The following GPC6 variants were observed in gnomAD, a reference collection of about 807,000 sequenced individuals.
The protein encoded by GPC6 is glypican 6.
Under a neutral mutation model 55.2 loss-of-function variants are expected in GPC6, and 14 were observed. The ratio of observed to expected loss-of-function variants is 0.25; its 90% CI spans 0.17 to 0.40. GPC6 has a LOEUF of 0.40. GPC6 is among the 10% of genes least tolerant of loss of function. The pLI is 1.00. For synonymous variants in GPC6, 278 were observed against 259.6 expected, an observed-to-expected ratio of 1.07 and a Z score of -0.68; for missense variants, 641 against 708.5, an observed-to-expected ratio of 0.90 and a Z score of 1.08.
At chr13:93,693,459 A>ATG (rs1566490166) in intron 2 of GPC6, among the ~76,000 whole-genome samples, 2 of 88,302 alleles carry the variant, frequency 2.3e-5, no homozygotes, top group Non-Finnish European at 5.4e-5. Flanking sequence ...GTGTATGTAT[A>ATG]TCTGTGTGTG....
At chr13:93,411,677 A>G (rs915077766) in intron 1 of GPC6, among the ~76,000 whole-genome samples, 1 of 152,152 alleles carries the variant, frequency 6.6e-6, no homozygotes, top group African/African-American at 2.4e-5. Flanking sequence ...AAATTCATTG[A>G]CAAAGGTTCT....
chr13:93,457,920 T>C (rs923866780), intron 1 of GPC6, among the ~76,000 whole-genome samples: 11 of 152,158 alleles, frequency 7.2e-5, no homozygotes, highest in Admixed American at 6.5e-4. Flanking sequence ...TCCTAGGACT[T>C]GAAATGTTGA....
chr13:94,355,849 C>T (rs1333712654), intron 6 of GPC6, among the ~76,000 whole-genome samples: 1 of 152,142 alleles, frequency 6.6e-6, no homozygotes, highest in African/African-American at 2.4e-5. Context: ...AAACGTGTGC[C>T]ATAGTGGTTT....
At position 94,021,260 on chromosome 13, in the gene GPC6, G is replaced by GTGTATA. The variant is rs148143866; in HGVS notation, c.712-6468_712-6467insGTATAT. On this transcript the variant is annotated intron_variant, in intron 3 of 8. Transcript: ENST00000377047. ...TCTGCTAGGTGTATGTTCATTGTGT[G>GTGTATA]TATATATATATATATATATACTTTT... is the stretch of plus-strand genomic sequence containing the variant. 5.9e-4 allele frequency among the ~76,000 whole-genome samples: 87 copies of GTGTATA among 146,270 alleles called. 1 individual carries two copies. The highest frequency in any genetic ancestry group is 2.0e-3 in the African/African-American group (80 of 40,184).
chr13:94,033,643 T>G (rs1270102879), intron 4 of GPC6, among the ~76,000 whole-genome samples: 1 of 152,186 alleles, frequency 6.6e-6, no homozygotes, highest in African/African-American at 2.4e-5. Context: ...TTCTCAGGCA[T>G]AAAAGTCCAT....
In GPC6 at chr13:93,565,635, T is replaced by A. The variant is rs1437430698; in HGVS notation, c.319+20214T>A. Among the ~76,000 whole-genome samples, 4 of 152,192 alleles carry A rather than the reference T, an allele frequency of 2.6e-5. No homozygotes were observed. In the East Asian group the frequency reaches 5.8e-4, roughly 22 times the overall value. ...CAAATATAGACTCCTTAAAAACACATCTGGTCAGCTGGGCACGGTGGCTCA... is the reference window on the plus strand; with the variant it reads ...CAAATATAGACTCCTTAAAAACACAACTGGTCAGCTGGGCACGGTGGCTCA... On this transcript the variant is annotated intron_variant, in intron 2 of 8. Coordinates refer to ENST00000377047, the MANE Select transcript of GPC6 (RefSeq NM_005708.5).
chr13:93,665,607 C>G (rs938162170), intron 2 of GPC6, among the ~76,000 whole-genome samples: 1 of 151,974 alleles, frequency 6.6e-6, no homozygotes, highest in Non-Finnish European at 1.5e-5. Context: ...ATATAGCATG[C>G]TAATAAAGAA....
At chr13:93,913,536 A>C (rs923396338) in intron 3 of GPC6, among the ~76,000 whole-genome samples, 3 of 152,054 alleles carry the variant, frequency 2.0e-5, no homozygotes, top group East Asian at 1.9e-4. Flanking sequence ...TCCATCTTTA[A>C]ATTTAGCCAT....
At chr13:93,959,841 C>T (rs1294138044) in intron 3 of GPC6, among the ~76,000 whole-genome samples, 1 of 152,172 alleles carries the variant, frequency 6.6e-6, no homozygotes, top group Non-Finnish European at 1.5e-5. Flanking sequence ...GAAACTAAAG[C>T]ATACAAATTT....
At position 94,333,071 on chromosome 13, in the gene GPC6, CTGCTT is replaced by C. The variant is rs142363656; in HGVS notation, c.1152+26950_1152+26954del. On this transcript the variant is annotated intron_variant, in intron 6 of 8. Transcript: ENST00000377047. Reference sequence around the variant, plus strand: ...TGGGAAAGGATTCCAGGGTCTTCATCTGCTTTATGAATTAATATCGGTATACATTA... The same window carrying C: ...TGGGAAAGGATTCCAGGGTCTTCATCTATGAATTAATATCGGTATACATTA... Among the ~76,000 whole-genome samples the C allele has an allele frequency of 2.8e-4, 43 of 152,280 alleles. No homozygotes were observed. In the East Asian group the frequency reaches 8.3e-3, roughly 29 times the overall value.
chr13:94,286,014 T>C (rs1892520700), intron 4 of GPC6, among the ~76,000 whole-genome samples: 1 of 152,200 alleles, frequency 6.6e-6, no homozygotes, highest in East Asian at 1.9e-4. Flanking sequence ...CAGAAGAAGA[T>C]GGGTGAGACT....
At chr13:93,760,144 G>T (rs1884911401) in intron 2 of GPC6, among the ~76,000 whole-genome samples, 1 of 152,056 alleles carries the variant, frequency 6.6e-6, no homozygotes, top group Admixed American at 6.6e-5. Flanking sequence ...TAAGAAATAG[G>T]TGGTACTGTG....
chr13:94,125,164 G>A (rs1332113372), intron 4 of GPC6, among the ~76,000 whole-genome samples: 1 of 152,052 alleles, frequency 6.6e-6, no homozygotes, highest in South Asian at 2.1e-4. Flanking sequence ...CCTTCTATAT[G>A]TGTGTACCAT....
intron 2 of GPC6, among the ~76,000 whole-genome samples, chr13:93,589,616 T>A (rs1248390180): frequency 6.6e-6 from 1 of 152,192 alleles, no homozygotes; most frequent in Admixed American, 6.5e-5. Flanking sequence ...TAGGTTATAT[T>A]GTAGCACCTG....
intron 2 of GPC6, among the ~76,000 whole-genome samples, chr13:93,816,299 T>TATC (rs2138958056): frequency 6.6e-6 from 1 of 152,296 alleles, no homozygotes; most frequent in South Asian, 2.1e-4. Flanking sequence ...ATGATCATAT[T>TATC]ATCAATTAAT....
At chr13:94,197,885 C>G (rs1029444099) in intron 4 of GPC6, among the ~76,000 whole-genome samples, 1 of 152,198 alleles carries the variant, frequency 6.6e-6, no homozygotes, top group Middle Eastern at 3.4e-3. Flanking sequence ...AAAAAAAGCT[C>G]TATGCCCTGA....
chr13:94,168,412 T>C (rs1888440476), intron 4 of GPC6, among the ~76,000 whole-genome samples: 1 of 152,186 alleles, frequency 6.6e-6, no homozygotes, highest in Non-Finnish European at 1.5e-5. Flanking sequence ...GCCCGTAATG[T>C]TGGGGGCCAG....
intron 2 of GPC6, among the ~76,000 whole-genome samples, chr13:93,821,982 T>C (rs1488718561): frequency 6.6e-6 from 1 of 151,366 alleles, no homozygotes; most frequent in Non-Finnish European, 1.5e-5. Context: ...TATGTGAATG[T>C]AGTCACGTAT....
intron 1 of GPC6, among the ~76,000 whole-genome samples, chr13:93,306,727 A>G (rs1250582270): frequency 2.0e-5 from 3 of 152,130 alleles, no homozygotes; most frequent in African/African-American, 7.2e-5. Context: ...GAATCATGGG[A>G]ATAAAAGGAA....
Sources: allele counts gnomAD v4.1 joint callset (sites outside exome capture counted in the v4.1 genomes callset), GRCh38; gene constraint gnomAD v4.1.1; transcripts MANE v1.5; gene names NCBI Gene and HGNC (gene_info 2026-07-23, HGNC 2026-07-21).